Variants in FASTKD2 observed in about 807,000 individuals in gnomAD.
FASTKD2 encodes FAST kinase domains 2, also known as FAST kinase domain-containing protein 2, mitochondrial.
FASTKD2 carries 51 observed loss-of-function variants against 63.6 expected under a neutral mutation model. That is an observed-to-expected ratio of 0.80 (90% confidence interval 0.64 to 1.01). The LOEUF is 1.01. FASTKD2 is among the 50% of genes least tolerant of loss of function. FASTKD2 has a pLI of 0.00. For synonymous variants in FASTKD2, 284 were observed against 293.4 expected, an observed-to-expected ratio of 0.97 and a Z score of 0.33; for missense variants, 786 against 831.1, an observed-to-expected ratio of 0.95 and a Z score of 0.67.
In FASTKD2 at chr2:206,788,827, A is replaced by C. The variant is rs1370573763; in HGVS notation, c.1822A>C (p.Ile608Leu). 1 of 1,519,896 alleles carries C rather than the reference A, an allele frequency of 6.6e-7. No homozygotes were observed. Among genetic ancestry groups the C allele is most frequent in the East Asian group, 2.3e-5 (1 of 44,442 alleles). 94.2% of individuals were successfully genotyped at this position (1,519,896 alleles called of 1,614,324 possible). ...LPHNYHIDFE[I>L]RMDTNRNQVL... The stretch of plus-strand genomic sequence containing the variant: ...CAATTCTTTCCTTTCAGATTTTGAA[A>C]TCAGAATGGACACTAACAGGAATCA... The change falls in exon 10 of 12, where the codon ATC becomes CTC. Residue 608 changes from isoleucine to leucine, a missense_variant. Transcript: ENST00000402774.
chr2:206,770,746 A>G (rs1321555245), intron 3 of FASTKD2, among the ~76,000 whole-genome samples: 1 of 151,786 alleles, frequency 6.6e-6, no homozygotes, highest in Non-Finnish European at 1.5e-5. Context: ...AAAAAAAAAA[A>G]ATAGTACTGA....
In FASTKD2 at chr2:206,767,640, C is replaced by CTAGT. The variant is rs3086026; in HGVS notation, c.777+172_777+173insGTTA. Among the ~76,000 whole-genome samples, 56,918 of 151,732 alleles carry CTAGT rather than the reference C, an allele frequency of 0.38. 12,069 individuals are homozygous for CTAGT. The highest frequency in any genetic ancestry group is 0.76 in the East Asian group (3,887 of 5,122). ...ATATGATTTAGAGGCCTTAAGTTAG[C>CTAGT]TATTTTCTTCCTTTTGCTATGGAAA... is the stretch of plus-strand genomic sequence containing the variant. On this transcript the variant is annotated intron_variant, in intron 2 of 11. Transcript: ENST00000402774.
rs1690325806 is a variant in FASTKD2, at chr2:206,792,865, C to G, written c.*1063C>G. Among the ~76,000 whole-genome samples, 1 of 152,110 alleles carries G rather than the reference C, an allele frequency of 6.6e-6. No homozygotes were observed. The highest frequency in any genetic ancestry group is 2.4e-5 in the African/African-American group (1 of 41,406). ...TCTCTAAAATCAGGATAGGTATTTG[C>G]CCAAGGCTACACAGAGTAGGGGAGG... On this transcript the variant is annotated 3_prime_UTR_variant, in exon 12 of 12. Transcript: ENST00000402774.
At position 206,787,973 on chromosome 2, in the gene FASTKD2, A is replaced by G; in HGVS notation, c.1631A>G (p.Asp544Gly). ...MKNAYKLHTL[D>G]TCLKLDDTVY... is the part of the protein sequence containing the mutation. ...AATGCTTACAAGCTGCATACTTTGG[A>G]TACTTGTCTAAAACTTGATGATACT... Residue 544 changes from aspartate to glycine, a missense_variant, in exon 9 of 12, where the codon GAT becomes GGT. Transcript: ENST00000402774. 2 of 1,612,544 alleles carry G rather than the reference A, an allele frequency of 1.2e-6. No homozygotes were observed. The highest frequency in any genetic ancestry group is 1.7e-6 in the Non-Finnish European group (2 of 1,178,880).
At chr2:206,778,035 A>G (rs1383507694) in intron 7 of FASTKD2, among the ~76,000 whole-genome samples, 1 of 151,434 alleles carries the variant, frequency 6.6e-6, no homozygotes, top group Non-Finnish European at 1.5e-5. Context: ...ATTTATTTGA[A>G]TCTTCTTTCT....
intron 1 of FASTKD2, among the ~76,000 whole-genome samples, chr2:206,766,442 A>G (rs568111992): frequency 1.3e-5 from 2 of 152,076 alleles, no homozygotes; most frequent in African/African-American, 4.8e-5. Flanking sequence ...ACTACTTCCA[A>G]AGTGACCTGG....
intron 3 of FASTKD2, 83 bp downstream of exon 3, chr2:206,770,277 A>T: frequency 1.1e-6 from 1 of 918,318 alleles, no homozygotes; most frequent in African/African-American, 1.6e-5. Context: ...TGAAAACTAA[A>T]CTCCTTTCTT....
intron 7 of FASTKD2, among the ~76,000 whole-genome samples, chr2:206,774,828 A>G (rs994476218): frequency 2.6e-5 from 4 of 152,190 alleles, no homozygotes; most frequent in South Asian, 2.1e-4. Context: ...ATAGTTAACA[A>G]TATTGTACAG....
chr2:206,793,422 C>T lies in FASTKD2; in HGVS notation c.*1620C>T, dbSNP rs1157468158. ...AAAGAATTTTCCTTTCCTGAAGTCT[C>T]AGCTATGCCATTGGTTCCACATCAT... On this transcript the variant is annotated 3_prime_UTR_variant, in exon 12 of 12. Coordinates refer to ENST00000402774, the MANE Select transcript of FASTKD2 (RefSeq NM_001136193.2). 1.3e-5 allele frequency among the ~76,000 whole-genome samples: 2 copies of T among 152,158 alleles called. No individual in the cohort carries two copies. The highest frequency in any genetic ancestry group is 2.9e-5 in the Non-Finnish European group (2 of 68,006).
At chr2:206,791,433 G>T in intron 11 of FASTKD2, 1 of 469,936 alleles carries the variant, frequency 2.1e-6, no homozygotes, top group South Asian at 2.5e-5. Context: ...TTCTAAGGAA[G>T]ATTTTCTCAA....
chr2:206,783,823 A>G (rs1188001476), intron 7 of FASTKD2, among the ~76,000 whole-genome samples: 1 of 152,148 alleles, frequency 6.6e-6, no homozygotes, highest in Non-Finnish European at 1.5e-5. Context: ...GTGGTTTTCA[A>G]ACAGGGATGA....
At chr2:206,774,938 T>C (rs1689782881) in intron 7 of FASTKD2, among the ~76,000 whole-genome samples, 1 of 151,994 alleles carries the variant, frequency 6.6e-6, no homozygotes. Flanking sequence ...ACAATCAACA[T>C]TGTAATCTCT....
In FASTKD2 at chr2:206,794,751, C is replaced by T. The variant is rs1465201702; in HGVS notation, c.*2949C>T. On this transcript the variant is annotated 3_prime_UTR_variant, in exon 12 of 12. Transcript: ENST00000402774. Reference sequence around the variant, plus strand: ...TTTTTTTGTGATAATACACATGGACCTCAAATGCAATTGAACTATTCATAT... The same window carrying T: ...TTTTTTTGTGATAATACACATGGACTTCAAATGCAATTGAACTATTCATAT... Among the ~76,000 whole-genome samples the T allele has an allele frequency of 6.6e-6, 1 of 152,074 alleles. No individual in the cohort carries two copies. The highest frequency in any genetic ancestry group is 2.4e-5 in the African/African-American group (1 of 41,408).
chr2:206,774,414 T>G lies in FASTKD2; in HGVS notation c.1427+17T>G, dbSNP rs1398723373. On this transcript the variant is annotated intron_variant, in intron 7 of 11. Coordinates refer to ENST00000402774, the MANE Select transcript of FASTKD2 (RefSeq NM_001136193.2). The stretch of plus-strand genomic sequence containing the variant: ...GAACAAAGAGTATGTACTTGTTTTT[T>G]TTTACCTTTTTTATTGCCATATAAC... 1 of 1,515,364 alleles carries G rather than the reference T, an allele frequency of 6.6e-7. No individual in the cohort carries two copies. Among genetic ancestry groups the G allele is most frequent in the Admixed American group, 1.7e-5 (1 of 59,406 alleles). 93.9% of individuals were successfully genotyped at this position (1,515,364 alleles called of 1,614,324 possible).
At position 206,772,271 on chromosome 2, in the gene FASTKD2, G is replaced by A; in HGVS notation, c.1205G>A (p.Gly402Glu). Residue 402 changes from glycine to glutamate, a missense_variant, in exon 6 of 12, where the codon GGA (glycine) becomes GAA (glutamate). By Grantham distance (98) the Gly-to-Glu change is moderately conservative (BLOSUM62 -2). Transcript: ENST00000402774. The part of the protein sequence containing the change: ...LQYHNLDLFK[G>E]LADYVAATFD... The stretch of plus-strand genomic sequence containing the variant: ...TACCATAATTTGGATCTCTTCAAGG[G>A]ACTTGCAGATTATGTGGCTGCAACT... The A allele has an allele frequency of 6.2e-7, 1 of 1,613,890 alleles. No homozygotes were observed. Among genetic ancestry groups the A allele is most frequent in the East Asian group, 2.2e-5 (1 of 44,866 alleles).
chr2:206,782,618 A>T (rs1690020834), intron 7 of FASTKD2, among the ~76,000 whole-genome samples: 1 of 152,222 alleles, frequency 6.6e-6, no homozygotes. Flanking sequence ...GTCAGGGTTC[A>T]TTAAAAATCA....
At chr2:206,790,981 C>A in intron 11 of FASTKD2, 1 of 334,174 alleles carries the variant, frequency 3.0e-6, no homozygotes. Context: ...TTAAGATACA[C>A]AAAACCATAT....
intron 5 of FASTKD2, 78 bp from the exon 6 acceptor site, chr2:206,772,103 A>G (rs1347103590): frequency 1.3e-6 from 2 of 1,593,406 alleles, no homozygotes; most frequent in African/African-American, 1.3e-5. Context: ...CTTTGCTTTT[A>G]TATGAAAAAA....
Position 206,793,383 on chromosome 2 carries a change from G to A in FASTKD2, c.*1581G>A, listed in dbSNP as rs1289193089. Among the ~76,000 whole-genome samples, 1 of 152,134 alleles carries A rather than the reference G, an allele frequency of 6.6e-6. No homozygotes were observed. Among genetic ancestry groups the A allele is most frequent in the Non-Finnish European group, 1.5e-5 (1 of 68,024 alleles). ...GTTACTTCCCTCATTTTATGGACGA[G>A]GAAGATAAGGCTCAAAGAATTTTCC... is the stretch of plus-strand genomic sequence containing the variant. On this transcript the variant is annotated 3_prime_UTR_variant, in exon 12 of 12. Transcript: ENST00000402774.
Sources: allele counts gnomAD v4.1 joint callset (sites outside exome capture counted in the v4.1 genomes callset), GRCh38; gene constraint gnomAD v4.1.1; transcripts MANE v1.5; gene names NCBI Gene and HGNC (gene_info 2026-07-23, HGNC 2026-07-21).